The following MACROD2 variants were observed in gnomAD, a reference collection of about 807,000 sequenced individuals.
MACROD2 encodes ADP-ribose glycohydrolase MACROD2.
In MACROD2, 36 loss-of-function variants were observed where a neutral mutation model predicts 70.4. That is an observed-to-expected ratio of 0.51 (90% confidence interval 0.39 to 0.68). The LOEUF (loss-of-function observed/expected upper bound fraction) is 0.68, where lower values mean the gene tolerates loss of function less well. Ranked by LOEUF, MACROD2 falls within the 30% of genes least tolerant of loss-of-function variation. MACROD2 has a pLI of 0.00. For synonymous variants in MACROD2, 172 were observed against 178.8 expected (o/e 0.96, Z 0.30); for missense variants, 496 against 538.4 (o/e 0.92, Z 0.78).
chr20:15,277,027 A>G (rs1451858403), intron 6 of MACROD2, among the ~76,000 whole-genome samples: 1 of 152,208 alleles, frequency 6.6e-6, no homozygotes, highest in Non-Finnish European at 1.5e-5. Context: ...GCTAGCTTCA[A>G]CGTTAAGCAA....
At chr20:15,294,004 C>T (rs2077563778) in intron 6 of MACROD2, among the ~76,000 whole-genome samples, 1 of 151,614 alleles carries the variant, frequency 6.6e-6, no homozygotes, top group Non-Finnish European at 1.5e-5. Flanking sequence ...CCTGTAACCC[C>T]AGCTACTTCG....
At chr20:14,966,836 C>T (rs2074641881) in intron 5 of MACROD2, among the ~76,000 whole-genome samples, 1 of 152,044 alleles carries the variant, frequency 6.6e-6, no homozygotes, top group Non-Finnish European at 1.5e-5. Flanking sequence ...TTTTTTATCA[C>T]TGTTGTGCCA....
At chr20:15,727,552 G>T (rs1356554289) in intron 8 of MACROD2, among the ~76,000 whole-genome samples, 3 of 152,096 alleles carry the variant, frequency 2.0e-5, no homozygotes, top group African/African-American at 7.2e-5. Flanking sequence ...TAACAACGTT[G>T]CTTCTTCCTA....
At position 14,866,758 on chromosome 20, in the gene MACROD2, C is replaced by G. The variant is rs910183858; in HGVS notation, c.418+181799C>G. The stretch of plus-strand genomic sequence containing the variant: ...ATATACACGTGCAGGAGTAACAATT[C>G]TAGTTTTTGAATGTGGGTAGGAAGG... On this transcript the variant is annotated intron_variant, in intron 5 of 17. Coordinates refer to ENST00000684519, the MANE Select transcript of MACROD2 (RefSeq NM_001351661.2). 6.2e-4 allele frequency among the ~76,000 whole-genome samples: 95 copies of G among 152,054 alleles called. 1 individual carries two copies. The highest frequency in any genetic ancestry group is 2.2e-3 in the African/African-American group (91 of 41,484).
Position 14,339,300 on chromosome 20 carries a change from G to T in MACROD2, c.272-154179G>T, listed in dbSNP as rs146025001. 1.7e-3 allele frequency among the ~76,000 whole-genome samples: 255 copies of T among 152,230 alleles called. 2 individuals carry two copies. Among genetic ancestry groups the T allele is most frequent in the African/African-American group, 6.0e-3 (249 of 41,548 alleles). ...GGAGTTTTAGATTCTAATGTCCATT[G>T]AAAAGCCAATTTCTTTGAACTGCTA... is the stretch of plus-strand genomic sequence containing the variant. On this transcript the variant is annotated intron_variant, in intron 3 of 17. Coordinates refer to ENST00000684519, the MANE Select transcript of MACROD2 (RefSeq NM_001351661.2).
intron 5 of MACROD2, among the ~76,000 whole-genome samples, chr20:15,151,230 C>T (rs1296255875): frequency 3.3e-5 from 5 of 151,992 alleles, no homozygotes; most frequent in Admixed American, 1.3e-4. Context: ...TGGGACGCGG[C>T]TTACGAGGAA....
chr20:15,998,584 A>G (rs1421670077), intron 15 of MACROD2, among the ~76,000 whole-genome samples: 1 of 61,244 alleles, frequency 1.6e-5, no homozygotes, highest in Admixed American at 2.0e-4. Flanking sequence ...TTTTTTTTTG[A>G]GACGGAGTCT....
intron 3 of MACROD2, among the ~76,000 whole-genome samples, chr20:14,427,256 C>T (rs770383232): frequency 1.2e-4 from 19 of 152,030 alleles, no homozygotes; most frequent in Non-Finnish European, 2.1e-4. Context: ...ATTTAAGACA[C>T]CTCTGTGTTG....
In MACROD2 at chr20:14,400,030, C is replaced by T. The variant is rs528107423; in HGVS notation, c.272-93449C>T. On this transcript the variant is annotated intron_variant, in intron 3 of 17. Transcript: ENST00000684519. ...CCCTTGTCTACTAATTTTCTCATTT[C>T]TGTCCTAAGTATTTGTATTGATTAA... Among the ~76,000 whole-genome samples the T allele has an allele frequency of 1.1e-4, 16 of 149,412 alleles. No homozygotes were observed. The South Asian group carries it at 3.5e-3, about 32-fold the overall frequency.
chr20:14,472,384 T>G (rs1048514409), intron 3 of MACROD2, among the ~76,000 whole-genome samples: 5 of 152,218 alleles, frequency 3.3e-5, no homozygotes, highest in Non-Finnish European at 5.9e-5. Flanking sequence ...GGCATTGTTT[T>G]TAATACTTAG....
rs757775408 is a variant in MACROD2 at position 14,027,221 on chromosome 20, C to A, written c.163+24817C>A. ...ATTTCATTAAGTTGATCTTCAATCT[C>A]TGATATCCTTTCTTCCGCTTGATCG... On this transcript the variant is annotated intron_variant, in intron 2 of 17. Coordinates refer to ENST00000684519, the MANE Select transcript of MACROD2 (RefSeq NM_001351661.2). 2.7e-4 allele frequency among the ~76,000 whole-genome samples: 41 copies of A among 152,096 alleles called. 1 individual carries two copies. The highest frequency in any genetic ancestry group is 9.7e-4 in the African/African-American group (40 of 41,416).
At chr20:15,510,458 A>G (rs1036137883) in intron 8 of MACROD2, among the ~76,000 whole-genome samples, 2 of 152,198 alleles carry the variant, frequency 1.3e-5, no homozygotes, top group African/African-American at 4.8e-5. Flanking sequence ...AGCTCAACTC[A>G]GGGAAAAACA....
intron 5 of MACROD2, among the ~76,000 whole-genome samples, chr20:15,203,353 GGTT>G (rs2076673770): frequency 6.6e-6 from 1 of 152,076 alleles, no homozygotes; most frequent in African/African-American, 2.4e-5. Flanking sequence ...TTCTTTTCCT[GGTT>G]GTTTTATGAA....
intron 5 of MACROD2, among the ~76,000 whole-genome samples, chr20:15,118,103 C>T (rs1399274446): frequency 6.6e-6 from 1 of 151,952 alleles, no homozygotes; most frequent in Admixed American, 6.6e-5. Flanking sequence ...GGTCTAGCTA[C>T]CTTTCTAGAA....
At chr20:14,097,943 T>C (rs1356231747) in intron 3 of MACROD2, among the ~76,000 whole-genome samples, 1 of 152,224 alleles carries the variant, frequency 6.6e-6, no homozygotes, top group Non-Finnish European at 1.5e-5. Context: ...ACTCGTGGTG[T>C]CATATTGGCA....
intron 10 of MACROD2, among the ~76,000 whole-genome samples, chr20:15,904,774 G>C (rs200403981): frequency 2.0e-5 from 3 of 151,768 alleles, no homozygotes; most frequent in African/African-American, 7.3e-5. Flanking sequence ...CCAGCTACTC[G>C]GGAGGCTGAG....
At chr20:15,234,957 T>C (rs2077000869) in intron 6 of MACROD2, among the ~76,000 whole-genome samples, 1 of 152,242 alleles carries the variant, frequency 6.6e-6, no homozygotes, top group African/African-American at 2.4e-5. Flanking sequence ...TCCTGACTTC[T>C]GTTTCCCTTC....
At chr20:14,708,808 C>T (rs1261288344) in intron 5 of MACROD2, among the ~76,000 whole-genome samples, 4 of 152,038 alleles carry the variant, frequency 2.6e-5, no homozygotes, top group African/African-American at 9.7e-5. Context: ...TTAGTAGAGA[C>T]GGTGTTTCAC....
At position 14,530,406 on chromosome 20, in the gene MACROD2, G is replaced by A. The variant is rs117037563; in HGVS notation, c.301+36898G>A. On this transcript the variant is annotated intron_variant, in intron 4 of 17. Transcript: ENST00000684519. ...GGATGGAGATTTGTTTCGTCAAGAAGGGAAAGAAGCACTTTCATATTTTTT... is the reference window on the plus strand; with the variant it reads ...GGATGGAGATTTGTTTCGTCAAGAAAGGAAAGAAGCACTTTCATATTTTTT... Among the ~76,000 whole-genome samples, 794 of 152,312 alleles carry A rather than the reference G, an allele frequency of 5.2e-3. 5 individuals carry two copies. Among genetic ancestry groups the A allele is most frequent in the Non-Finnish European group, 9.1e-3 (619 of 68,024 alleles).
Sources: allele counts gnomAD v4.1 joint callset (sites outside exome capture counted in the v4.1 genomes callset), GRCh38; gene constraint gnomAD v4.1.1; transcripts MANE v1.5; gene names NCBI Gene and HGNC (gene_info 2026-07-23, HGNC 2026-07-21).